AGBL2: variants seen among roughly 807,000 people sequenced by gnomAD.
AGBL2 encodes AGBL carboxypeptidase 2.
AGBL2 carries 87 observed loss-of-function variants against 103.0 expected under a neutral mutation model. The ratio of observed to expected loss-of-function variants is 0.84; its 90% CI spans 0.71 to 1.01. AGBL2 has a LOEUF of 1.01. Ranked by LOEUF, AGBL2 falls within the 50% of genes least tolerant of loss-of-function variation. The pLI is 0.00. For synonymous variants in AGBL2, 335 were observed against 356.7 expected, an observed-to-expected ratio of 0.94 and a Z score of 0.69; for missense variants, 904 against 1,023.5, an observed-to-expected ratio of 0.88 and a Z score of 1.59.
chr11:47,702,741 G>T (rs568174956), intron 7 of AGBL2, among the ~76,000 whole-genome samples: 105 of 152,198 alleles, frequency 6.9e-4, no homozygotes, highest in African/African-American at 2.1e-3. Context: ...GGGTGCGGTG[G>T]TGGGTGCCTG....
intron 17 of AGBL2, among the ~76,000 whole-genome samples, chr11:47,664,434 CG>C (rs1554944793): frequency 6.8e-6 from 1 of 146,338 alleles, no homozygotes; most frequent in Non-Finnish European, 1.5e-5. Context: ...TTTTTTAAGA[CG>C]GGGTTTCGCT....
Position 47,680,022 on chromosome 11 carries a change from T to C in AGBL2, c.1967A>G (p.Tyr656Cys). ...FTIEDLKSLG[Y>C]HVCDTLLDFC... is the part of the protein sequence containing the mutation. ...GTCCAGAAGGGTGTCACAGACATGA[T>C]AACCTAAGGACTTCAGATCTTCGAT... The change falls in exon 13 of 19, where the codon TAT (tyrosine) becomes TGT (cysteine). Residue 656 changes from tyrosine (Y) to cysteine (C), a missense_variant. Coordinates refer to ENST00000525123, the MANE Select transcript of AGBL2 (RefSeq NM_024783.4). 6.2e-7 allele frequency: 1 copy of C among 1,613,080 alleles called. No homozygotes were observed. Among genetic ancestry groups the C allele is most frequent in the Non-Finnish European group, 8.5e-7 (1 of 1,179,430 alleles).
Position 47,661,696 on chromosome 11 carries a change from A to AC in AGBL2, c.2535+1329_2535+1330insG, listed in dbSNP as rs1368260850. On this transcript the variant is annotated intron_variant, in intron 18 of 18. Coordinates refer to ENST00000525123, the MANE Select transcript of AGBL2 (RefSeq NM_024783.4). ...GTGTTTTACCCAGACTCATGTGAAC[A>AC]ACACCCTCCTGTACACATTCCCTGG... is the stretch of plus-strand genomic sequence containing the variant. 6.6e-5 allele frequency among the ~76,000 whole-genome samples: 10 copies of AC among 152,122 alleles called. No homozygotes were observed. The South Asian group carries it at 2.1e-3, about 32-fold the overall frequency.
Position 47,699,468 on chromosome 11 carries a change from T to C in AGBL2, c.672A>G (p.Thr224=). The change falls in exon 8 of 19, where the codon ACA becomes ACG. Residue 224 remains threonine (T), a synonymous_variant. Transcript: ENST00000525123. The part of the protein sequence containing the change: ...VPEIVGEKKG[T]VVYQLDSVPI... The stretch of plus-strand genomic sequence containing the variant: ...TACCTGAATCTAATTGATAGACAAC[T>C]GTTCCTTTTTTCTCTCCTACAATCT... 1 of 1,589,386 alleles carries C rather than the reference T, an allele frequency of 6.3e-7. No homozygotes were observed.
intron 7 of AGBL2, among the ~76,000 whole-genome samples, chr11:47,704,264 G>A (rs772623512): frequency 5.3e-5 from 8 of 151,938 alleles, no homozygotes; most frequent in African/African-American, 9.7e-5. Context: ...GGCGGATCAC[G>A]AGGTCAGGAG....
In AGBL2 at chr11:47,714,577, C is replaced by T. The variant is rs779701642; in HGVS notation, c.33+41G>A. ...GTGGAGTTCCCGAAGAAATGGAGTT[C>T]CCCGAAGAAATTTCTGTGGCTTTCC... On this transcript the variant is annotated intron_variant, in intron 2 of 18. Coordinates refer to ENST00000525123, the MANE Select transcript of AGBL2 (RefSeq NM_024783.4). The T allele has an allele frequency of 3.1e-6, 5 of 1,607,822 alleles. No homozygotes were observed. The East Asian group carries it at 1.1e-4, about 36-fold the overall frequency.
At chr11:47,678,338 A>ATTTT (rs1196435610) in intron 13 of AGBL2, among the ~76,000 whole-genome samples, 4 of 95,284 alleles carry the variant, frequency 4.2e-5, no homozygotes, top group Non-Finnish European at 8.7e-5. Context: ...TTATTTTATT[A>ATTTT]TTTTATTTTT....
At position 47,710,385 on chromosome 11, in the gene AGBL2, T is replaced by G; in HGVS notation, c.224A>C (p.Lys75Thr). The G allele has an allele frequency of 6.2e-7, 1 of 1,614,070 alleles. No individual in the cohort carries two copies. Among genetic ancestry groups the G allele is most frequent in the Non-Finnish European group, 8.5e-7 (1 of 1,179,958 alleles). ...DLIPDTLQKE[K>T]LLWPISLSSA... ...TACTGATTGTTACTCACATAGAAGC[T>G]TCTCCTTTTGCAGGGTGTCTGGTAT... The change falls in exon 4 of 19, where the codon AAG (lysine) becomes ACG (threonine). Residue 75 changes from lysine to threonine, a missense_variant. Coordinates refer to ENST00000525123, the MANE Select transcript of AGBL2 (RefSeq NM_024783.4).
At chr11:47,674,375 T>TG (rs1221759541) in intron 14 of AGBL2, among the ~76,000 whole-genome samples, 2 of 151,916 alleles carry the variant, frequency 1.3e-5, no homozygotes, top group Non-Finnish European at 2.9e-5. Context: ...CAGCCTATCC[T>TG]AGGCAACACA....
Position 47,666,665 on chromosome 11 carries a change from G to T in AGBL2, c.2448+291C>A, listed in dbSNP as rs546466685. The T allele has an allele frequency of 1.3e-5, 7 of 553,226 alleles. No individual in the cohort carries two copies. In the East Asian group the frequency reaches 1.8e-4, roughly 15 times the overall value. 34.3% of individuals were successfully genotyped at this position (553,226 alleles called of 1,614,324 possible). Reference sequence around the variant, plus strand: ...GATTTATTTTAAAATAACATTTGCTGATTGAGTAGATGGGTGAGTAGAGGG... The same window carrying T: ...GATTTATTTTAAAATAACATTTGCTTATTGAGTAGATGGGTGAGTAGAGGG... On this transcript the variant is annotated intron_variant, in intron 17 of 18. Transcript: ENST00000525123.
intron 15 of AGBL2, among the ~76,000 whole-genome samples, chr11:47,668,065 C>G (rs548214506): frequency 6.6e-6 from 1 of 152,030 alleles, no homozygotes; most frequent in South Asian, 2.1e-4. Context: ...TAAAATTAGC[C>G]GGGTGAGGTG....
chr11:47,684,511 G>A (rs34102560), intron 11 of AGBL2, among the ~76,000 whole-genome samples: 211 of 150,192 alleles, frequency 1.4e-3, no homozygotes, highest in Non-Finnish European at 2.5e-3. Flanking sequence ...AGCCGAGATC[G>A]CGCCACTGCA....
Position 47,714,727 on chromosome 11 carries a change from A to C in AGBL2, c.-77T>G. On this transcript the variant is annotated 5_prime_UTR_variant, in exon 2 of 19. Transcript: ENST00000525123. ...CGCAAACCCTGCCCAATTTCCAAAT[A>C]GGCAGCTGATTACACAAGAGAAGCT... The C allele has an allele frequency of 7.1e-7, 1 of 1,400,714 alleles. No homozygotes were observed. Among genetic ancestry groups the C allele is most frequent in the Admixed American group, 1.7e-5 (1 of 59,664 alleles). 86.8% of individuals were successfully genotyped at this position (1,400,714 alleles called of 1,614,324 possible). A position where few individuals can be genotyped will look rare whatever the true frequency, so the allele number is the denominator to read the frequency against.
chr11:47,699,814 G>T (rs1231252124), intron 7 of AGBL2, among the ~76,000 whole-genome samples: 1 of 152,058 alleles, frequency 6.6e-6, no homozygotes, highest in Non-Finnish European at 1.5e-5. Flanking sequence ...AAGTCAGAAA[G>T]GTCAATATAG....
intron 8 of AGBL2, among the ~76,000 whole-genome samples, chr11:47,695,518 T>C (rs2097465580): frequency 6.9e-6 from 1 of 145,870 alleles, no homozygotes; most frequent in African/African-American, 2.5e-5. Flanking sequence ...ATGGGACCTG[T>C]AATCCTAGCA....
chr11:47,660,164 C>T lies in AGBL2; in HGVS notation c.*9G>A. The T allele has an allele frequency of 6.2e-7, 1 of 1,604,346 alleles. No homozygotes were observed. The highest frequency in any genetic ancestry group is 8.5e-7 in the Non-Finnish European group (1 of 1,175,020). On this transcript the variant is annotated 3_prime_UTR_variant, in exon 19 of 19. Coordinates refer to ENST00000525123, the MANE Select transcript of AGBL2 (RefSeq NM_024783.4). ...GATGAAGTGCTTGTGTGGCACAGCC[C>T]AGGCTCACCTACGGGTATGTGTATA...
intron 13 of AGBL2, among the ~76,000 whole-genome samples, chr11:47,678,474 C>T (rs1383655015): frequency 6.6e-6 from 1 of 150,732 alleles, no homozygotes; most frequent in African/African-American, 2.4e-5. Flanking sequence ...GCTGGGATTA[C>T]AGGCGCTTGC....
intron 8 of AGBL2, among the ~76,000 whole-genome samples, chr11:47,692,676 T>C (rs756684591): frequency 6.6e-6 from 1 of 151,740 alleles, no homozygotes; most frequent in Non-Finnish European, 1.5e-5. Flanking sequence ...CCTCCCAAAG[T>C]GCTGGGATTA....
chr11:47,663,124 G>A lies in AGBL2; in HGVS notation c.2449-12C>T. On this transcript the variant is annotated splice_polypyrimidine_tract_variant and intron_variant, in intron 17 of 18. Transcript: ENST00000525123. ...CTATTTAAATTTGTCTAAAATAAAT[G>A]AACATATCCTCACTAAATTTTCCAC... The A allele has an allele frequency of 6.5e-7, 1 of 1,546,628 alleles. No homozygotes were observed. The highest frequency in any genetic ancestry group is 1.4e-5 in the African/African-American group (1 of 72,034).
Sources: gnomAD v4.1 joint callset for allele counts (sites outside exome capture counted in the v4.1 genomes callset) on GRCh38, gnomAD v4.1.1 for gene constraint, MANE v1.5 for transcripts, NCBI Gene and HGNC (gene_info 2026-07-23, HGNC 2026-07-21) for gene names.